CIMAP1A: variants seen among roughly 807,000 people sequenced by gnomAD.
CIMAP1A encodes ciliary microtubule associated protein 1A.
At chr11:199,889 G>A in the CIMAP1A span, 1 of 1,602,160 alleles carries the variant, frequency 6.2e-7, no homozygotes, top group Non-Finnish European at 8.5e-7. Context: ...CCAGGGCAGA[G>A]ACCTGCAGGT....
chr11:197,047 G>T, the CIMAP1A span: 1 of 328,648 alleles, frequency 3.0e-6, no homozygotes, highest in Non-Finnish European at 5.5e-6. Context: ...GAGAACAGTG[G>T]TGAGTTAAGG....
chr11:199,934 C>T, the CIMAP1A span: 5 of 1,613,900 alleles, frequency 3.1e-6, no homozygotes, highest in Non-Finnish European at 4.2e-6. Flanking sequence ...CATAGCCCCT[C>T]CTCTCCCAGG....
chr11:199,696 A>C, the CIMAP1A span: 3 of 1,435,636 alleles, frequency 2.1e-6, no homozygotes, highest in Non-Finnish European at 2.7e-6. Flanking sequence ...CACCCTGAGG[A>C]CCCTGTACAT....
the CIMAP1A span, chr11:198,157 C>T: frequency 3.1e-6 from 5 of 1,597,864 alleles, no homozygotes; most frequent in South Asian, 5.6e-5. Flanking sequence ...GGGCTGCATA[C>T]CCACCTGCTT....
chr11:197,552 C>T, the CIMAP1A span: 13 of 1,612,186 alleles, frequency 8.1e-6, no homozygotes, highest in East Asian at 6.7e-5. Context: ...GGGCCCATTG[C>T]GTCCACAGGC....
the CIMAP1A span, chr11:197,576 C>T: frequency 6.5e-4 from 1,048 of 1,613,172 alleles, 6 homozygotes; most frequent in South Asian, 4.2e-3. Context: ...ATGAAGCACA[C>T]GCCCACCAAG....
At chr11:197,651 G>T in the CIMAP1A span, 45 of 1,613,474 alleles carry the variant, frequency 2.8e-5, no homozygotes, top group Non-Finnish European at 3.8e-5. Flanking sequence ...TGCTCCCCAG[G>T]GCCCCGTTAC....
chr11:199,926 T>C, the CIMAP1A span: 16 of 1,613,616 alleles, frequency 9.9e-6, no homozygotes, highest in South Asian at 8.8e-5. Flanking sequence ...GTTCCTATCA[T>C]AGCCCCTCCT....
At chr11:197,389 A>T in the CIMAP1A span, 2 of 1,601,294 alleles carry the variant, frequency 1.2e-6, no homozygotes, top group South Asian at 2.2e-5. Flanking sequence ...CCCTGGACCC[A>T]AGTACCTGAT....
the CIMAP1A span, chr11:196,909 G>T: frequency 6.0e-6 from 1 of 166,380 alleles, no homozygotes; most frequent in Middle Eastern, 3.0e-3. Flanking sequence ...TGCTGTCCCT[G>T]CACTGAAGAA....
At chr11:199,981 T>C in the CIMAP1A span, 1 of 1,614,104 alleles carries the variant, frequency 6.2e-7, no homozygotes, top group Non-Finnish European at 8.5e-7. Flanking sequence ...GTTGTCACCT[T>C]CGGCATCAAA....
chr11:197,473 G>T, the CIMAP1A span: 4 of 1,592,098 alleles, frequency 2.5e-6, no homozygotes, highest in South Asian at 3.4e-5. Context: ...TGGGGGTCCC[G>T]GGAAGGGCCT....
the CIMAP1A span, chr11:197,260 C>T: frequency 1.4e-6 from 2 of 1,404,558 alleles, no homozygotes; most frequent in Non-Finnish European, 1.9e-6. Flanking sequence ...CAGGGCCGGG[C>T]CTCCCAGCAC....
the CIMAP1A span, chr11:199,779 G>C: frequency 6.9e-7 from 1 of 1,443,332 alleles, no homozygotes; most frequent in South Asian, 1.5e-5. Flanking sequence ...CCTAGACACT[G>C]TGACAGCTAC....
At chr11:197,400 T>C in the CIMAP1A span, 2 of 1,601,870 alleles carry the variant, frequency 1.2e-6, no homozygotes, top group African/African-American at 2.7e-5. Context: ...AGTACCTGAT[T>C]CCACCAACAA....
the CIMAP1A span, chr11:198,398 G>T: frequency 6.2e-7 from 1 of 1,613,172 alleles, no homozygotes; most frequent in Non-Finnish European, 8.5e-7. Context: ...TCCAGAGTTG[G>T]GGGAGAGCCC....
At chr11:198,469 G>A in the CIMAP1A span, 2,461 of 1,613,254 alleles carry the variant, frequency 1.5e-3, 30 homozygotes, top group East Asian at 0.02. Flanking sequence ...TGCAGGCCCC[G>A]CTGCGTACAT....
At chr11:197,721 G>A in the CIMAP1A span, 1 of 1,613,784 alleles carries the variant, frequency 6.2e-7, no homozygotes, top group Non-Finnish European at 8.5e-7. Flanking sequence ...ACTCCATCCT[G>A]GGGCGCTACC....
At chr11:200,139 C>G in the CIMAP1A span, 1 of 1,072,616 alleles carries the variant, frequency 9.3e-7, no homozygotes, top group Non-Finnish European at 1.4e-6. Flanking sequence ...CCTGGCCCTG[C>G]AGGGCAGAGC....
Sources: gnomAD v4.1 joint callset for allele counts on GRCh38, gnomAD v4.1.1 for gene constraint, MANE v1.5 for transcripts, NCBI Gene and HGNC (gene_info 2026-07-23, HGNC 2026-07-21) for gene names.